Variants in NRXN1 observed in about 807,000 individuals in gnomAD.
NRXN1 encodes the protein neurexin-1.
In NRXN1, 39 loss-of-function variants were observed where a neutral mutation model predicts 150.9. The ratio of observed to expected loss-of-function variants is 0.26; its 90% CI spans 0.20 to 0.34. The LOEUF is 0.34. Among genes scored for constraint, NRXN1 ranks in the 10% least tolerant of loss-of-function variants. The pLI is 1.00. For missense variants in NRXN1, 1,815 were observed against 1,949.9 expected, an observed-to-expected ratio of 0.93 and a Z score of 1.30; for synonymous variants, 924 against 757.0, an observed-to-expected ratio of 1.22 and a Z score of -3.62.
At chr2:50,438,701 C>T (rs748470385) in intron 17 of NRXN1, among the ~76,000 whole-genome samples, 2 of 152,084 alleles carry the variant, frequency 1.3e-5, no homozygotes, top group African/African-American at 2.4e-5. Context: ...CTAAGTTTTA[C>T]TGGAGAATAA....
At chr2:50,270,560 G>A (rs1018670556) in intron 17 of NRXN1, among the ~76,000 whole-genome samples, 1 of 151,870 alleles carries the variant, frequency 6.6e-6, no homozygotes, top group African/African-American at 2.4e-5. Context: ...AGAACTATCA[G>A]AATTTTGAAT....
At chr2:50,095,186 G>A (rs1473909755) in intron 18 of NRXN1, among the ~76,000 whole-genome samples, 1 of 152,178 alleles carries the variant, frequency 6.6e-6, no homozygotes, top group African/African-American at 2.4e-5. Flanking sequence ...GGAGTAAGCT[G>A]ATTTTACTTT....
intron 19 of NRXN1, among the ~76,000 whole-genome samples, chr2:50,081,186 G>A (rs1015427320): frequency 5.9e-5 from 9 of 152,070 alleles, no homozygotes; most frequent in African/African-American, 1.9e-4. Context: ...CTCTACATAG[G>A]ACCTTGACAC....
chr2:50,774,134 G>A (rs1205875735), intron 5 of NRXN1, among the ~76,000 whole-genome samples: 1 of 152,078 alleles, frequency 6.6e-6, no homozygotes, highest in Non-Finnish European at 1.5e-5. Flanking sequence ...CAGGTTTTTT[G>A]AAAATCACAT....
chr2:50,482,202 G>A (rs78966642), intron 15 of NRXN1, among the ~76,000 whole-genome samples: 3,302 of 152,190 alleles, frequency 0.022, 132 homozygotes, highest in African/African-American at 0.076. Context: ...AGGAAACCTG[G>A]TGGGCATGCT....
At chr2:50,156,433 T>C (rs769216959) in intron 18 of NRXN1, among the ~76,000 whole-genome samples, 4 of 151,944 alleles carry the variant, frequency 2.6e-5, no homozygotes, top group South Asian at 2.1e-4. Flanking sequence ...TGACTTTTCT[T>C]ACTTTATTTT....
At chr2:50,636,534 C>G (rs957075526) in intron 5 of NRXN1, among the ~76,000 whole-genome samples, 1 of 152,180 alleles carries the variant, frequency 6.6e-6, no homozygotes, top group Non-Finnish European at 1.5e-5. Flanking sequence ...CTGTGCCAAA[C>G]TCAATTGCTC....
intron 5 of NRXN1, among the ~76,000 whole-genome samples, chr2:50,886,981 A>G (rs1680345053): frequency 1.3e-5 from 2 of 151,472 alleles, no homozygotes; most frequent in African/African-American, 2.4e-5. Flanking sequence ...AATAATTTTT[A>G]GAATATATTA....
At chr2:50,371,780 T>G (rs1358665512) in intron 17 of NRXN1, among the ~76,000 whole-genome samples, 1 of 149,964 alleles carries the variant, frequency 6.7e-6, no homozygotes, top group Admixed American at 6.7e-5. Flanking sequence ...TATAAGATAT[T>G]TTTATATTTA....
At chr2:50,045,568 G>GATGAAT (rs1382036121) in intron 21 of NRXN1, among the ~76,000 whole-genome samples, 1 of 152,078 alleles carries the variant, frequency 6.6e-6, no homozygotes, top group African/African-American at 2.4e-5. Flanking sequence ...ATATGTAAGA[G>GATGAAT]ATGAATAAAT....
chr2:50,825,912 T>C (rs965707639), intron 5 of NRXN1, among the ~76,000 whole-genome samples: 2 of 152,216 alleles, frequency 1.3e-5, no homozygotes, highest in African/African-American at 2.4e-5. Context: ...GCTGGCTTGA[T>C]GTTTGGGGGA....
intron 18 of NRXN1, among the ~76,000 whole-genome samples, chr2:50,205,042 G>A (rs1253709436): frequency 6.6e-6 from 1 of 151,872 alleles, no homozygotes; most frequent in African/African-American, 2.4e-5. Flanking sequence ...TAAATACATG[G>A]ATATCAGTCC....
intron 5 of NRXN1, among the ~76,000 whole-genome samples, chr2:50,794,580 A>T (rs1706524293): frequency 1.3e-5 from 2 of 151,848 alleles, no homozygotes; most frequent in Admixed American, 1.3e-4. Context: ...TAATTTCTAT[A>T]AAAAAAATCA....
intron 18 of NRXN1, among the ~76,000 whole-genome samples, chr2:50,194,737 T>C (rs1033416759): frequency 6.6e-6 from 1 of 152,176 alleles, no homozygotes; most frequent in African/African-American, 2.4e-5. Flanking sequence ...TTTTCTAAGA[T>C]ATTTTTACAA....
chr2:50,000,182 C>T (rs1420907431), intron 21 of NRXN1, among the ~76,000 whole-genome samples: 1 of 152,138 alleles, frequency 6.6e-6, no homozygotes, highest in Non-Finnish European at 1.5e-5. Flanking sequence ...GCTATAGAAA[C>T]AGTCAAGGCT....
At chr2:50,214,819 G>A (rs2063284998) in intron 18 of NRXN1, among the ~76,000 whole-genome samples, 1 of 152,048 alleles carries the variant, frequency 6.6e-6, no homozygotes, top group Non-Finnish European at 1.5e-5. Context: ...TGACTTCAAT[G>A]TTTCAAAGTA....
At chr2:50,365,118 T>A (rs1425632944) in intron 17 of NRXN1, among the ~76,000 whole-genome samples, 1 of 152,122 alleles carries the variant, frequency 6.6e-6, no homozygotes, top group African/African-American at 2.4e-5. Context: ...GCTTTTTTTT[T>A]CTTTTTTTCA....
chr2:50,296,624 G>A (rs949692441), intron 17 of NRXN1, among the ~76,000 whole-genome samples: 1 of 151,432 alleles, frequency 6.6e-6, no homozygotes, highest in African/African-American at 2.4e-5. Context: ...ATGCACTACT[G>A]GCTGGCTATT....
chr2:49,994,817 G>C (rs543045127), intron 21 of NRXN1, among the ~76,000 whole-genome samples: 25 of 152,356 alleles, frequency 1.6e-4, no homozygotes, highest in Admixed American at 1.6e-3. Context: ...AAAGGTGAGA[G>C]TGAATTTCTA....
Sources: gnomAD v4.1 joint callset for allele counts (sites outside exome capture counted in the v4.1 genomes callset) on GRCh38, gnomAD v4.1.1 for gene constraint, MANE v1.5 for transcripts, NCBI Gene and HGNC (gene_info 2026-07-23, HGNC 2026-07-21) for gene names.